Variants in PCDH15 observed in about 807,000 individuals in gnomAD.
PCDH15 encodes the protein protocadherin related 15.
Under a neutral mutation model 178.5 loss-of-function variants are expected in PCDH15, and 129 were observed. That is an observed-to-expected ratio of 0.72 (90% confidence interval 0.63 to 0.84). PCDH15 has a LOEUF of 0.84. Ranked by LOEUF, PCDH15 falls within the 40% of genes least tolerant of loss-of-function variation. The pLI, the probability that PCDH15 is intolerant of heterozygous loss-of-function variation, is 0.00. For synonymous variants in PCDH15, 800 were observed against 732.0 expected, an observed-to-expected ratio of 1.09 and a Z score of -1.50; for missense variants, 2,230 against 2,099.9, an observed-to-expected ratio of 1.06 and a Z score of -1.21.
intron 25 of PCDH15, among the ~76,000 whole-genome samples, chr10:53,924,976 CAAAACAGACCAATCAGCTCTCTGT>C (rs1158844956): frequency 1.9e-4 from 29 of 152,212 alleles, no homozygotes; most frequent in Admixed American, 6.5e-4. Flanking sequence ...AGCACCCTGT[CAAAACAGACCAATCAGCTCTCTGT>C]AAAACAGACC....
chr10:53,949,994 A>G (rs1375138804), intron 23 of PCDH15, among the ~76,000 whole-genome samples: 1 of 152,158 alleles, frequency 6.6e-6, no homozygotes, highest in Non-Finnish European at 1.5e-5. Context: ...AACTTATTTT[A>G]AGTATAAATT....
intron 5 of PCDH15, among the ~76,000 whole-genome samples, chr10:54,368,461 A>T (rs10825315): frequency 0.15 from 22,114 of 152,000 alleles, 1,827 homozygotes; most frequent in African/African-American, 0.22. Context: ...AGCTTAATTA[A>T]CTAAAAATAA....
Position 54,534,517 on chromosome 10 carries a change from A to C in PCDH15, c.92-6640T>G, listed in dbSNP as rs12777830. Among the ~76,000 whole-genome samples, 4 of 152,332 alleles carry C rather than the reference A, an allele frequency of 2.6e-5. No individual in the cohort carries two copies. In the East Asian group the frequency reaches 7.7e-4, roughly 29 times the overall value. ...CCCTGATATGAGTTGGTGAGATTCC[A>C]CAGAAAGATCAAGGAAGAGTTGCAG... On this transcript the variant is annotated intron_variant, in intron 2 of 37. Transcript: ENST00000644397.
At chr10:54,347,910 A>G (rs9415304) in intron 5 of PCDH15, among the ~76,000 whole-genome samples, 17,788 of 151,972 alleles carry the variant, frequency 0.12, 1,875 homozygotes, top group African/African-American at 0.28. Flanking sequence ...GTGCAGTGGC[A>G]CGGTCTCGGC....
intron 2 of PCDH15, among the ~76,000 whole-genome samples, chr10:55,588,085 C>T (rs1180230187): frequency 6.6e-6 from 1 of 152,128 alleles, no homozygotes; most frequent in East Asian, 1.9e-4. Flanking sequence ...CTTGGATCCT[C>T]TATTTTAAAG....
intron 2 of PCDH15, among the ~76,000 whole-genome samples, chr10:55,073,962 G>A (rs1284430975): frequency 6.6e-6 from 1 of 151,994 alleles, no homozygotes; most frequent in Non-Finnish European, 1.5e-5. Context: ...AACATGTGGT[G>A]TTTGGTTTTC....
At chr10:55,220,392 A>C (rs545531479) in intron 1 of PCDH15, among the ~76,000 whole-genome samples, 1 of 152,168 alleles carries the variant, frequency 6.6e-6, no homozygotes, top group East Asian at 1.9e-4. Flanking sequence ...AAAATAGCTA[A>C]TTGCCCTAGA....
At chr10:54,826,788 A>T (rs895342372) in intron 3 of PCDH15, among the ~76,000 whole-genome samples, 7 of 152,044 alleles carry the variant, frequency 4.6e-5, no homozygotes, top group African/African-American at 1.7e-4. Flanking sequence ...TAAATTACCA[A>T]AGATGGGCTA....
chr10:55,195,962 T>C lies in PCDH15; in HGVS notation c.-155-29311A>G, dbSNP rs1840083686. Reference sequence around the variant, plus strand: ...TCTTTCCTAATTAAGAGTTGCAGCATATCACTGAAACAAAAGAAAAATATT... The same window carrying C: ...TCTTTCCTAATTAAGAGTTGCAGCACATCACTGAAACAAAAGAAAAATATT... On this transcript the variant is annotated intron_variant, in intron 1 of 5. Transcript: ENST00000458638. Among the ~76,000 whole-genome samples the C allele has an allele frequency of 2.0e-5, 3 of 152,106 alleles. No individual in the cohort carries two copies. The South Asian group carries it at 6.2e-4, about 31-fold the overall frequency.
chr10:54,913,639 T>A (rs1051745330), intron 2 of PCDH15, among the ~76,000 whole-genome samples: 1 of 152,134 alleles, frequency 6.6e-6, no homozygotes, highest in African/African-American at 2.4e-5. Context: ...TCCGTCAACA[T>A]CTTGCACCAA....
rs866539082 is a variant in PCDH15, at chr10:54,191,755, A to G, written c.1305+3928T>C. Among the ~76,000 whole-genome samples, 61 of 53,044 alleles carry G rather than the reference A, an allele frequency of 1.1e-3. No homozygotes were observed. The South Asian group carries it at 0.021, about 18-fold the overall frequency. The allele number at this position is 53,044 out of a possible 152,430, so 34.8% of individuals were successfully genotyped here. A position where few individuals can be genotyped will look rare whatever the true frequency, so the allele number is the denominator to read the frequency against. ...ACACTGTCTCTACAAAAAATGCAAA[A>G]AAAAAAAAAAAAAAAATTAGCTAGG... is the stretch of plus-strand genomic sequence containing the variant. On this transcript the variant is annotated intron_variant, in intron 11 of 37. Transcript: ENST00000644397.
intron 2 of PCDH15, among the ~76,000 whole-genome samples, chr10:54,580,903 T>C (rs561229442): frequency 6.6e-6 from 1 of 152,080 alleles, no homozygotes; most frequent in South Asian, 2.1e-4. Flanking sequence ...ATCTAACATC[T>C]CTTCATGATA....
intron 2 of PCDH15, chr10:55,597,225 ACAAT>A (rs1842953895): frequency 6.6e-6 from 1 of 152,138 alleles, no homozygotes; most frequent in Admixed American, 6.5e-5. Flanking sequence ...GAAGGGCATA[ACAAT>A]CAATACACGT....
intron 2 of PCDH15, among the ~76,000 whole-genome samples, chr10:55,431,802 C>A (rs548507442): frequency 2.0e-5 from 3 of 152,066 alleles, no homozygotes; most frequent in East Asian, 3.9e-4. Context: ...CAAATGTCAT[C>A]CCCATTAAAA....
At chr10:54,401,227 A>G (rs897411782) in intron 3 of PCDH15, among the ~76,000 whole-genome samples, 3 of 151,934 alleles carry the variant, frequency 2.0e-5, no homozygotes, top group African/African-American at 7.2e-5. Flanking sequence ...CTTTCTGTAA[A>G]GGCTTTTCTT....
chr10:55,235,462 T>C (rs1268357282), intron 1 of PCDH15, among the ~76,000 whole-genome samples: 3 of 152,150 alleles, frequency 2.0e-5, no homozygotes, highest in Non-Finnish European at 2.9e-5. Flanking sequence ...TTAAAGTCCA[T>C]ACATTCTTCC....
intron 28 of PCDH15, among the ~76,000 whole-genome samples, chr10:53,854,194 A>G (rs1175152839): frequency 6.6e-6 from 1 of 151,968 alleles, no homozygotes. Flanking sequence ...CACTTTTATG[A>G]TGTATTTAAA....
intron 2 of PCDH15, among the ~76,000 whole-genome samples, chr10:55,592,294 G>C (rs1051695671): frequency 2.0e-5 from 3 of 152,116 alleles, no homozygotes; most frequent in African/African-American, 7.2e-5. Context: ...CCAATAAAAA[G>C]CAGGAGCAAG....
At position 54,104,467 on chromosome 10, in the gene PCDH15, CA is replaced by C. The variant is rs538273269; in HGVS notation, c.1918-14405del. ...TTCCACAATTTTAGCTCTTTCTCTA[CA>C]GGAGCTAAGACTCTCACTCGGGAAA... On this transcript the variant is annotated intron_variant, in intron 15 of 37. Coordinates refer to ENST00000644397, the MANE Select transcript of PCDH15 (RefSeq NM_001384140.1). 1.8e-4 allele frequency among the ~76,000 whole-genome samples: 27 copies of C among 152,298 alleles called. No individual in the cohort carries two copies. The South Asian group carries it at 5.4e-3, about 30-fold the overall frequency.
Sources: gnomAD v4.1 joint callset for allele counts (sites outside exome capture counted in the v4.1 genomes callset) on GRCh38, gnomAD v4.1.1 for gene constraint, MANE v1.5 for transcripts, NCBI Gene and HGNC (gene_info 2026-07-23, HGNC 2026-07-21) for gene names.